The following EMB variants were observed in gnomAD, a reference collection of about 807,000 sequenced individuals.
EMB encodes embigin homolog.
EMB carries 31 observed loss-of-function variants against 41.4 expected under a neutral mutation model. The ratio of observed to expected loss-of-function variants is 0.75; its 90% CI spans 0.56 to 1.01. The LOEUF (loss-of-function observed/expected upper bound fraction) is 1.01. EMB is among the 50% of genes least tolerant of loss of function. The pLI, the probability that EMB is intolerant of heterozygous loss-of-function variation, is 0.00. For synonymous variants in EMB, 137 were observed against 140.4 expected, an observed-to-expected ratio of 0.98 and a Z score of 0.17; for missense variants, 379 against 388.3, an observed-to-expected ratio of 0.98 and a Z score of 0.20.
At chr5:50,437,613 C>A (rs1745826131) in intron 1 of EMB, among the ~76,000 whole-genome samples, 1 of 151,004 alleles carries the variant, frequency 6.6e-6, no homozygotes, top group Non-Finnish European at 1.5e-5. Context: ...AGTGGGAACC[C>A]CTTTAAATGT....
At chr5:50,434,501 C>T (rs749195590) in intron 1 of EMB, among the ~76,000 whole-genome samples, 2 of 152,134 alleles carry the variant, frequency 1.3e-5, no homozygotes, top group African/African-American at 2.4e-5. Context: ...GCTGGAGGGA[C>T]GCTGAAATGC....
intron 2 of EMB, among the ~76,000 whole-genome samples, chr5:50,412,360 C>G (rs1745354979): frequency 6.6e-6 from 1 of 151,988 alleles, no homozygotes; most frequent in Admixed American, 6.6e-5. Context: ...AAAATAGCTA[C>G]TCTGACTAAA....
chr5:50,438,757 CT>C lies in EMB; in HGVS notation c.112+2282del, dbSNP rs111789556. On this transcript the variant is annotated intron_variant, in intron 1 of 8. Coordinates refer to ENST00000303221, the MANE Select transcript of EMB (RefSeq NM_198449.3). ...CTTAAATTCGATGCTAACTTCATAA[CT>C]TTTGTCTTGTACATTATTCCACAAT... 3.7e-3 allele frequency among the ~76,000 whole-genome samples: 569 copies of C among 152,274 alleles called. 7 individuals carry two copies. The highest frequency in any genetic ancestry group is 0.012 in the African/African-American group (513 of 41,546).
At chr5:50,403,148 AAAAC>A in intron 6 of EMB, 26 bp downstream of exon 6, 2 of 1,550,172 alleles carry the variant, frequency 1.3e-6, no homozygotes, top group South Asian at 1.2e-5. Flanking sequence ...CTTTCTAAAA[AAAAC>A]AAAAAACAAA....
At chr5:50,410,105 TACA>T (rs202209775) in intron 4 of EMB, among the ~76,000 whole-genome samples, 3 of 152,038 alleles carry the variant, frequency 2.0e-5, no homozygotes, top group Non-Finnish European at 2.9e-5. Flanking sequence ...TAGGAAAAGT[TACA>T]ACAATTTTCA....
chr5:50,398,103 A>C lies in EMB; in HGVS notation c.*1170T>G, dbSNP rs985283706. ...CCACCACTCTTTGCTTCTGTTCTTA[A>C]AGTTGTTGCCCTTTGAGCAGTGGGA... On this transcript the variant is annotated 3_prime_UTR_variant, in exon 9 of 9. Coordinates refer to ENST00000303221, the MANE Select transcript of EMB (RefSeq NM_198449.3). The C allele has an allele frequency of 1.3e-5, 2 of 151,180 alleles. No individual in the cohort carries two copies. Among genetic ancestry groups the C allele is most frequent in the Non-Finnish European group, 2.9e-5 (2 of 67,840 alleles). The allele number at this position is 151,180 out of a possible 1,614,324, so 9.4% of individuals were successfully genotyped here.
At chr5:50,430,005 T>TCTCTCTCA (rs1554025584) in intron 1 of EMB, among the ~76,000 whole-genome samples, 14 of 140,588 alleles carry the variant, frequency 1.0e-4, no homozygotes, top group South Asian at 2.3e-4. Flanking sequence ...TCTCTCTCTC[T>TCTCTCTCA]CACACACACA....
chr5:50,426,904 A>AG (rs1453732426), intron 2 of EMB, among the ~76,000 whole-genome samples: 5 of 151,618 alleles, frequency 3.3e-5, no homozygotes, highest in African/African-American at 4.8e-5. Flanking sequence ...AAAAGAAAAA[A>AG]AAAAAAAAAA....
At chr5:50,418,837 A>T (rs1745469766) in intron 2 of EMB, among the ~76,000 whole-genome samples, 2 of 152,120 alleles carry the variant, frequency 1.3e-5, no homozygotes, top group Admixed American at 1.3e-4. Context: ...TCAACAAATT[A>T]TTTCCTGCTT....
intron 1 of EMB, 32 bp from the exon 2 acceptor site, chr5:50,428,259 C>A: frequency 6.7e-7 from 1 of 1,500,704 alleles, no homozygotes; most frequent in South Asian, 1.1e-5. Flanking sequence ...ATTACACACT[C>A]TTATCAAGAG....
intron 2 of EMB, among the ~76,000 whole-genome samples, chr5:50,414,702 A>G (rs1298300143): frequency 6.6e-6 from 1 of 152,122 alleles, no homozygotes; most frequent in East Asian, 1.9e-4. Flanking sequence ...AAATTGCAAA[A>G]TTGCTGAATT....
intron 1 of EMB, among the ~76,000 whole-genome samples, chr5:50,434,352 T>C (rs1470378014): frequency 6.6e-6 from 1 of 152,238 alleles, no homozygotes; most frequent in Non-Finnish European, 1.5e-5. Flanking sequence ...CCAATGGCCC[T>C]GTGGCCCTAA....
At chr5:50,439,538 G>A (rs764465397) in intron 1 of EMB, among the ~76,000 whole-genome samples, 18 of 150,600 alleles carry the variant, frequency 1.2e-4, no homozygotes, top group Non-Finnish European at 2.5e-4. Flanking sequence ...TGTTGCCCGG[G>A]GTGGTCTTGA....
rs766574605 is a variant in EMB, at chr5:50,399,933, GAAAATTACTAAATGCTTATATTATAT to G, written c.912-46_912-21del. 23 of 1,571,982 alleles carry G rather than the reference GAAAATTACTAAATGCTTATATTATAT, an allele frequency of 1.5e-5. No homozygotes were observed. The highest frequency in any genetic ancestry group is 1.9e-5 in the Non-Finnish European group (22 of 1,150,020). On this transcript the variant is annotated intron_variant, in intron 7 of 8. Transcript: ENST00000303221. ...GATTTCCTGCACAGAAAACAAAAAA[GAAAATTACTAAATGCTTATATTATAT>G]AAAATTAAGTCAGTACATCACTGAT...
intron 6 of EMB, 120 bp downstream of exon 6, chr5:50,403,058 C>G (rs1248679349): frequency 1.0e-6 from 1 of 963,132 alleles, no homozygotes; most frequent in Admixed American, 3.1e-5. Context: ...AGATTTTCCC[C>G]AAAAATCCTA....
chr5:50,424,545 T>A (rs908025639), intron 2 of EMB, among the ~76,000 whole-genome samples: 2 of 152,188 alleles, frequency 1.3e-5, no homozygotes, highest in African/African-American at 4.8e-5. Flanking sequence ...TCTAACTTTA[T>A]GGTGAGATTC....
At chr5:50,431,963 G>A (rs1000056652) in intron 1 of EMB, among the ~76,000 whole-genome samples, 2 of 152,136 alleles carry the variant, frequency 1.3e-5, no homozygotes, top group Non-Finnish European at 2.9e-5. Flanking sequence ...ATTTTAAAAT[G>A]TGTTGCTAGA....
At chr5:50,412,463 G>C (rs1330572012) in intron 2 of EMB, among the ~76,000 whole-genome samples, 2 of 152,028 alleles carry the variant, frequency 1.3e-5, no homozygotes, top group Admixed American at 1.3e-4. Context: ...CACTGAACAT[G>C]AGAAATCTTC....
chr5:50,439,252 C>T lies in EMB; in HGVS notation c.112+1788G>A, dbSNP rs188798031. Among the ~76,000 whole-genome samples the T allele has an allele frequency of 1.4e-3, 214 of 152,104 alleles. 4 individuals carry two copies. Among genetic ancestry groups the T allele is most frequent in the African/African-American group, 4.5e-3 (187 of 41,478 alleles). ...AGAACTGCAATACTCTGAGGTGAACCAGGGATAGAAGAATTGGAGATACCC... is the reference window on the plus strand; with the variant it reads ...AGAACTGCAATACTCTGAGGTGAACTAGGGATAGAAGAATTGGAGATACCC... On this transcript the variant is annotated intron_variant, in intron 1 of 8. Coordinates refer to ENST00000303221, the MANE Select transcript of EMB (RefSeq NM_198449.3).
Sources: allele counts gnomAD v4.1 joint callset (sites outside exome capture counted in the v4.1 genomes callset), GRCh38; gene constraint gnomAD v4.1.1; transcripts MANE v1.5; gene names NCBI Gene and HGNC (gene_info 2026-07-23, HGNC 2026-07-21).